CRTC1: variants seen among roughly 807,000 people sequenced by gnomAD.
The protein encoded by CRTC1 is CREB-regulated transcription coactivator 1.
In CRTC1, 18 loss-of-function variants were observed where a neutral mutation model predicts 66.1. The observed-to-expected ratio is 0.27, with a 90% CI of 0.19 to 0.40. CRTC1 has a LOEUF of 0.40. Among genes scored for constraint, CRTC1 ranks in the 10% least tolerant of loss-of-function variants. The pLI, the probability that CRTC1 is intolerant of heterozygous loss-of-function variation, is 1.00. For missense variants in CRTC1, 669 were observed against 887.9 expected (o/e 0.75, Z 3.13); for synonymous variants, 416 against 398.8 (o/e 1.04, Z -0.51).
rs1272371911 is a variant in CRTC1 at position 18,750,401 on chromosome 19, C to T, written c.538+526C>T. On this transcript the variant is annotated intron_variant, in intron 5 of 13. Coordinates refer to ENST00000321949, the MANE Select transcript of CRTC1 (RefSeq NM_015321.3). ...TCCCAACTCTTGGCCAGAGTGTCGC[C>T]TCCAGCTGAGCCATGCACACCCCTG... 2.0e-5 allele frequency among the ~76,000 whole-genome samples: 3 copies of T among 152,244 alleles called. 1 individual carries two copies. Among genetic ancestry groups the T allele is most frequent in the Non-Finnish European group, 4.4e-5 (3 of 68,048 alleles).
intron 1 of CRTC1, among the ~76,000 whole-genome samples, chr19:18,713,504 TC>T (rs1239768614): frequency 1.0e-5 from 1 of 95,404 alleles, no homozygotes; most frequent in African/African-American, 4.7e-5. Context: ...AAGCTCCTTT[TC>T]CTTGTTCTCT....
chr19:18,685,280 C>G (rs1054323207), intron 1 of CRTC1, among the ~76,000 whole-genome samples: 6 of 152,024 alleles, frequency 3.9e-5, no homozygotes, highest in Admixed American at 2.0e-4. Context: ...GAGTGTGCCA[C>G]ATCTGTCCTC....
At chr19:18,774,239 TCTAGCGTCTC>T (rs1245155668) in intron 11 of CRTC1, among the ~76,000 whole-genome samples, 2 of 152,138 alleles carry the variant, frequency 1.3e-5, no homozygotes, top group African/African-American at 4.8e-5. Flanking sequence ...GTGTCTCCTT[TCTAGCGTCTC>T]CACCACCCAT....
In CRTC1 at chr19:18,779,900, G is replaced by A. The variant is rs2055070491; in HGVS notation, c.*2518G>A. The stretch of plus-strand genomic sequence containing the variant: ...GGGCCCAGCCAGGAGCCAGCAGCCA[G>A]GCGTCCCTGTGTTCCAGAAGGATTC... On this transcript the variant is annotated 3_prime_UTR_variant, in exon 14 of 14. Transcript: ENST00000321949. 4.4e-6 allele frequency: 1 copy of A among 229,234 alleles called. No individual in the cohort carries two copies. The highest frequency in any genetic ancestry group is 1.8e-4 in the South Asian group (1 of 5,486). 14.2% of individuals were successfully genotyped at this position (229,234 alleles called of 1,614,324 possible). A position where few individuals can be genotyped will look rare whatever the true frequency, so the allele number is the denominator to read the frequency against.
rs1365836299 is a variant in CRTC1, at chr19:18,745,902, G to A, written c.323G>A (p.Arg108His). 2 of 1,613,292 alleles carry A rather than the reference G, an allele frequency of 1.2e-6. No homozygotes were observed. The highest frequency in any genetic ancestry group is 1.7e-6 in the Non-Finnish European group (2 of 1,179,882). Residue 108 changes from arginine to histidine, a missense_variant, in exon 3 of 14, where the codon CGT (arginine) becomes CAT (histidine). Arg to His is a conservative substitution (Grantham distance 29). Transcript: ENST00000321949. ...CTGGTGGACAGGGTGTACCGGGAGCGTGGCCGGCTCGGCTCCCCACACCGC... is the reference window on the plus strand; with the variant it reads ...CTGGTGGACAGGGTGTACCGGGAGCATGGCCGGCTCGGCTCCCCACACCGC... ...HGLVDRVYRERGRLGSPHRRP... is the reference protein window; with the variant it reads ...HGLVDRVYREHGRLGSPHRRP...
intron 10 of CRTC1, among the ~76,000 whole-genome samples, chr19:18,770,697 GTGTGGACATTTGTGGATA>G (rs1367102636): frequency 4.6e-5 from 7 of 151,816 alleles, no homozygotes; most frequent in Non-Finnish European, 1.0e-4. Flanking sequence ...ATTTGTGGAT[GTGTGGACATTTGTGGATA>G]TGTGGACATT....
Position 18,780,011 on chromosome 19 carries a change from C to G in CRTC1, c.*2629C>G, listed in dbSNP as rs1220469345. On this transcript the variant is annotated 3_prime_UTR_variant, in exon 14 of 14. Coordinates refer to ENST00000321949, the MANE Select transcript of CRTC1 (RefSeq NM_015321.3). Reference sequence around the variant, plus strand: ...GCGTACGTGTGGTTTTTTTAAATATCACTACTACATATTCTTGAATTGCCA... The same window carrying G: ...GCGTACGTGTGGTTTTTTTAAATATGACTACTACATATTCTTGAATTGCCA... The G allele has an allele frequency of 4.4e-6, 1 of 229,352 alleles. No individual in the cohort carries two copies. Among genetic ancestry groups the G allele is most frequent in the Non-Finnish European group, 8.6e-6 (1 of 115,782 alleles). The allele number at this position is 229,352 out of a possible 1,614,324, so 14.2% of individuals were successfully genotyped here. A position where few individuals can be genotyped will look rare whatever the true frequency, so the allele number is the denominator to read the frequency against.
intron 1 of CRTC1, among the ~76,000 whole-genome samples, chr19:18,696,755 C>T (rs919832857): frequency 2.6e-5 from 4 of 152,008 alleles, no homozygotes; most frequent in African/African-American, 9.7e-5. Flanking sequence ...CTGGGAATGG[C>T]CCCACCTGTG....
rs572749519 is a variant in CRTC1 at position 18,697,429 on chromosome 19, C to T, written c.126+13601C>T. ...TGTTCAAGCGATTGTCCTGCCTCAG[C>T]CTCCTGAATAGCTGGGATTACAAGC... On this transcript the variant is annotated intron_variant, in intron 1 of 13. Transcript: ENST00000321949. Among the ~76,000 whole-genome samples the T allele has an allele frequency of 7.4e-4, 112 of 152,306 alleles. 1 individual carries two copies. Among genetic ancestry groups the T allele is most frequent in the African/African-American group, 2.5e-3 (104 of 41,566 alleles).
chr19:18,695,858 T>C (rs2003476), intron 1 of CRTC1, among the ~76,000 whole-genome samples: 80,173 of 151,796 alleles, frequency 0.53, 23,021 homozygotes, highest in East Asian at 0.84. Context: ...GAGTGAGACT[T>C]CATCTCAAAA....
At chr19:18,706,837 C>A (rs1371950168) in intron 1 of CRTC1, among the ~76,000 whole-genome samples, 2 of 151,886 alleles carry the variant, frequency 1.3e-5, no homozygotes, top group Non-Finnish European at 2.9e-5. Context: ...TGTTTTTTAG[C>A]GCTTTTTAGT....
At chr19:18,713,648 C>T (rs1266940028) in intron 1 of CRTC1, among the ~76,000 whole-genome samples, 4 of 149,036 alleles carry the variant, frequency 2.7e-5, no homozygotes, top group African/African-American at 7.5e-5. Context: ...AGGCCAGGCT[C>T]ACCGCCGGTT....
At chr19:18,698,412 GCACA>G (rs1419629232) in intron 1 of CRTC1, among the ~76,000 whole-genome samples, 1 of 145,648 alleles carries the variant, frequency 6.9e-6, no homozygotes, top group Admixed American at 7.0e-5. Flanking sequence ...CGCTCAGCAG[GCACA>G]CACAACAGTG....
At chr19:18,751,551 ATGTTTACTCT>A (rs2054363770) in intron 5 of CRTC1, among the ~76,000 whole-genome samples, 1 of 151,916 alleles carries the variant, frequency 6.6e-6, no homozygotes, top group African/African-American at 2.4e-5. Flanking sequence ...AAATGGGGAA[ATGTTTACTCT>A]TACCTTGACT....
intron 2 of CRTC1, chr19:18,744,017 G>A (rs1391482121): frequency 7.1e-7 from 1 of 1,402,526 alleles, no homozygotes; most frequent in Non-Finnish European, 1.0e-6. Flanking sequence ...GTCGCCCGAG[G>A]CCCACAGCCC....
At position 18,765,534 on chromosome 19, in the gene CRTC1, A is replaced by G; in HGVS notation, c.1011+6A>G. 6.3e-7 allele frequency: 1 copy of G among 1,599,632 alleles called. No individual in the cohort carries two copies. Among genetic ancestry groups the G allele is most frequent in the Non-Finnish European group, 8.5e-7 (1 of 1,176,006 alleles). ...CGCTGTCACCCATCACTCAGGTGCG[A>G]GGGCAAGGTGGGGGGCAGGTGGGAG... On this transcript the variant is annotated splice_donor_region_variant and intron_variant, in intron 9 of 13. Transcript: ENST00000321949.
intron 1 of CRTC1, among the ~76,000 whole-genome samples, chr19:18,684,678 CT>C (rs140203993): frequency 0.018 from 2,767 of 152,258 alleles, 51 homozygotes; most frequent in Admixed American, 0.041. Flanking sequence ...AGCCCCTGCC[CT>C]CTCAGGACCA....
rs182222416 is a variant in CRTC1 at position 18,745,102 on chromosome 19, A to T, written c.244-721A>T. On this transcript the variant is annotated intron_variant, in intron 2 of 13. Coordinates refer to ENST00000321949, the MANE Select transcript of CRTC1 (RefSeq NM_015321.3). ...GCGGGCTCCTGGCAGCCCCGGGGGCATGAGGCCGGGCATGTAGCAGGGCCT... is the reference window on the plus strand; with the variant it reads ...GCGGGCTCCTGGCAGCCCCGGGGGCTTGAGGCCGGGCATGTAGCAGGGCCT... 3.3e-3 allele frequency among the ~76,000 whole-genome samples: 507 copies of T among 152,270 alleles called. 3 individuals carry two copies. The highest frequency in any genetic ancestry group is 0.011 in the African/African-American group (461 of 41,568).
chr19:18,758,360 T>TAA (rs920751999), intron 6 of CRTC1, among the ~76,000 whole-genome samples: 11 of 108,302 alleles, frequency 1.0e-4, no homozygotes, highest in African/African-American at 3.5e-4. Context: ...ACTCCGTCTC[T>TAA]AAAAAAAAAA....
Sources: allele counts gnomAD v4.1 joint callset (sites outside exome capture counted in the v4.1 genomes callset), GRCh38; gene constraint gnomAD v4.1.1; transcripts MANE v1.5; gene names NCBI Gene and HGNC (gene_info 2026-07-23, HGNC 2026-07-21).